Variants in TUB observed in about 807,000 individuals in gnomAD.
TUB encodes TUB bipartite transcription factor.
TUB carries 33 observed loss-of-function variants against 59.7 expected under a neutral mutation model. The ratio of observed to expected loss-of-function variants is 0.55; its 90% CI spans 0.42 to 0.74. TUB has a LOEUF of 0.74. Among genes scored for constraint, TUB ranks in the 30% least tolerant of loss-of-function variants. The pLI is 0.00. For synonymous variants in TUB, 293 were observed against 256.4 expected, an observed-to-expected ratio of 1.14 and a Z score of -1.36; for missense variants, 659 against 672.0, an observed-to-expected ratio of 0.98 and a Z score of 0.21.
In TUB at chr11:8,095,592, C is replaced by T. The variant is rs201857968; in HGVS notation, c.492C>T (p.Asp164=). 3.3e-4 allele frequency: 531 copies of T among 1,612,894 alleles called. No homozygotes were observed. The highest frequency in any genetic ancestry group is 4.3e-4 in the Non-Finnish European group (504 of 1,179,882). ...TGGGCCAGTCAGACCACGCCCAGGA[C>T]GCAGGGGAGACGGCAGCTGGTGGGG... ...LTVGQSDHAQ[D]AGETAAGGGE... Residue 164 remains aspartate, a synonymous_variant, in exon 5 of 12, where the codon GAC becomes GAT. Coordinates refer to ENST00000299506, the MANE Select transcript of TUB (RefSeq NM_177972.3).
At chr11:8,021,813 G>A (rs1030045920) in intron 1 of TUB, among the ~76,000 whole-genome samples, 4 of 151,690 alleles carry the variant, frequency 2.6e-5, no homozygotes, top group Non-Finnish European at 5.9e-5. Context: ...CTACTCAGGA[G>A]GCTGAGGCAG....
At chr11:8,022,830 C>A (rs1161834840) in intron 1 of TUB, among the ~76,000 whole-genome samples, 1 of 152,166 alleles carries the variant, frequency 6.6e-6, no homozygotes, top group African/African-American at 2.4e-5. Flanking sequence ...ACGGAGGTTG[C>A]AGTCAGTGCA....
rs1223058750 is a variant in TUB, at chr11:8,103,830, C to G, written c.*2211C>G. ...AGATAGAACAGGCTGGTTCTGAGTT[C>G]TGGTGAGACGGAGACCCCGGTGGCA... On this transcript the variant is annotated 3_prime_UTR_variant, in exon 12 of 12. Transcript: ENST00000299506. 1 of 152,558 alleles carries G rather than the reference C, an allele frequency of 6.6e-6. No homozygotes were observed. Among genetic ancestry groups the G allele is most frequent in the Non-Finnish European group, 1.5e-5 (1 of 68,076 alleles). 9.5% of individuals were successfully genotyped at this position (152,558 alleles called of 1,614,324 possible).
rs529009660 is a variant in TUB, at chr11:8,057,317, C to T, written c.203+17625C>T. 4.6e-5 allele frequency among the ~76,000 whole-genome samples: 7 copies of T among 152,298 alleles called. No individual in the cohort carries two copies. The East Asian group carries it at 1.2e-3, about 25-fold the overall frequency. ...AGTGTTCCTGGACCAAACCGAGGGT[C>T]AGCTGCTTATTCTCAAGGCCCAGTA... On this transcript the variant is annotated intron_variant, in intron 2 of 12. Transcript: ENST00000305253.
In TUB at chr11:8,046,458, G is replaced by C. The variant is rs142830484; in HGVS notation, c.203+6766G>C. Reference sequence around the variant, plus strand: ...AACTAACATCTTCTCTCACCAACCTGTCCCTCGTCTTCTATTTCCTATCTC... The same window carrying C: ...AACTAACATCTTCTCTCACCAACCTCTCCCTCGTCTTCTATTTCCTATCTC... On this transcript the variant is annotated intron_variant, in intron 2 of 12. Coordinates refer to the TUB transcript ENST00000305253. Among the ~76,000 whole-genome samples, 306 of 152,150 alleles carry C rather than the reference G, an allele frequency of 2.0e-3. 3 individuals carry two copies. The highest frequency in any genetic ancestry group is 3.4e-3 in the Non-Finnish European group (233 of 68,000).
rs1564932614 is a variant in TUB, at chr11:8,104,747, A to ATACTC, written c.*3131_*3135dup. 6.6e-6 allele frequency: 1 copy of ATACTC among 152,084 alleles called. No homozygotes were observed. The highest frequency in any genetic ancestry group is 2.4e-5 in the African/African-American group (1 of 41,406). The allele number at this position is 152,084 out of a possible 1,614,324, so 9.4% of individuals were successfully genotyped here. A position where few individuals can be genotyped will look rare whatever the true frequency, so the allele number is the denominator to read the frequency against. On this transcript the variant is annotated 3_prime_UTR_variant, in exon 12 of 12. Coordinates refer to ENST00000299506, the MANE Select transcript of TUB (RefSeq NM_177972.3). ...CGTATGCTTTTGGTTGAAATTGAAC[A>ATACTC]TACTCTAGTGAATGTGCCTTAAAAA...
Position 8,093,357 on chromosome 11 carries a change from C to G in TUB, c.254-689C>G, listed in dbSNP as rs564020351. ...CTGGTGTGGCTGCAACTCTTGGTGC[C>G]CCAGAGGTGGGGAGTATGTGTTTAT... On this transcript the variant is annotated intron_variant, in intron 3 of 11. Transcript: ENST00000299506. Among the ~76,000 whole-genome samples, 7 of 152,060 alleles carry G rather than the reference C, an allele frequency of 4.6e-5. No homozygotes were observed. The East Asian group carries it at 9.7e-4, about 21-fold the overall frequency.
intron 2 of TUB, among the ~76,000 whole-genome samples, chr11:8,070,614 AAT>A (rs1275236831): frequency 6.6e-6 from 1 of 152,176 alleles, no homozygotes; most frequent in African/African-American, 2.4e-5. Flanking sequence ...ACTGTTCATC[AAT>A]GCCCCCCTCA....
chr11:8,047,175 T>C (rs1942848375), intron 2 of TUB, among the ~76,000 whole-genome samples: 2 of 152,132 alleles, frequency 1.3e-5, no homozygotes, highest in Admixed American at 1.3e-4. Flanking sequence ...CCCAAACTCA[T>C]GTACTCTTTT....
At chr11:8,043,084 T>C (rs1299844361) in intron 2 of TUB, among the ~76,000 whole-genome samples, 1 of 152,232 alleles carries the variant, frequency 6.6e-6, no homozygotes, top group Non-Finnish European at 1.5e-5. Flanking sequence ...TTTAGGTCTT[T>C]GAATCATTTT....
intron 2 of TUB, among the ~76,000 whole-genome samples, chr11:8,040,035 T>A (rs570787302): frequency 1.4e-4 from 21 of 152,018 alleles, no homozygotes; most frequent in South Asian, 6.2e-4. Context: ...AGAAAGGAGG[T>A]GTCCTCTACA....
At chr11:8,039,669 G>T in exon 2 of TUB, 2 of 1,537,226 alleles carry the variant, frequency 1.3e-6, no homozygotes, top group Non-Finnish European at 1.8e-6. Context: ...GGAAGTACTG[G>T]AAGGAAGGAA....
chr11:8,084,547 G>A (rs776983412), intron 1 of TUB, among the ~76,000 whole-genome samples: 4 of 152,240 alleles, frequency 2.6e-5, no homozygotes, highest in Non-Finnish European at 4.4e-5. Context: ...TATGCTGGGT[G>A]GGATTGGGGT....
chr11:8,022,189 A>C (rs754245760), intron 1 of TUB, among the ~76,000 whole-genome samples: 1 of 152,100 alleles, frequency 6.6e-6, no homozygotes, highest in African/African-American at 2.4e-5. Context: ...AGTCCACACC[A>C]CCTCCTCTAT....
chr11:8,065,742 G>C (rs192344062), intron 2 of TUB, among the ~76,000 whole-genome samples: 2 of 152,252 alleles, frequency 1.3e-5, no homozygotes, highest in African/African-American at 4.8e-5. Context: ...CTGCTTCAGG[G>C]TTTATCTGAC....
At chr11:8,019,309 G>A (rs1942382488) in exon 1 of TUB, 3 of 1,276,790 alleles carry the variant, frequency 2.3e-6, no homozygotes, top group Admixed American at 7.5e-5. Context: ...GGCGATGGAG[G>A]GAGTCAGCAG....
At chr11:8,054,744 A>G (rs1942990718) in intron 2 of TUB, among the ~76,000 whole-genome samples, 1 of 152,178 alleles carries the variant, frequency 6.6e-6, no homozygotes, top group Non-Finnish European at 1.5e-5. Flanking sequence ...TATTGTGTAC[A>G]TGTTCCTGTG....
chr11:8,047,011 T>G (rs1177064821), intron 2 of TUB, among the ~76,000 whole-genome samples: 1 of 152,256 alleles, frequency 6.6e-6, no homozygotes, highest in Non-Finnish European at 1.5e-5. Flanking sequence ...ACGTGCAGCC[T>G]GCAGGCTGCA....
At chr11:8,098,957 A>G (rs1169343760) in intron 9 of TUB, 82 bp downstream of exon 9, 2 of 1,047,300 alleles carry the variant, frequency 1.9e-6, no homozygotes, top group East Asian at 2.4e-5. Context: ...GGGCTATCCC[A>G]TCCATCTTAG....
Sources: gnomAD v4.1 joint callset for allele counts (sites outside exome capture counted in the v4.1 genomes callset) on GRCh38, gnomAD v4.1.1 for gene constraint, MANE v1.5 for transcripts, NCBI Gene and HGNC (gene_info 2026-07-23, HGNC 2026-07-21) for gene names.